The following EPB41L1 variants were observed in gnomAD, a reference collection of about 807,000 sequenced individuals.
The protein encoded by EPB41L1 is band 4.1-like protein 1.
EPB41L1 carries 29 observed loss-of-function variants against 97.8 expected under a neutral mutation model. The observed-to-expected ratio is 0.30, with a 90% confidence interval of 0.22 to 0.40. EPB41L1 has a LOEUF of 0.40. Among genes scored for constraint, EPB41L1 ranks in the 10% least tolerant of loss-of-function variants. The probability of loss-of-function intolerance (pLI) is 1.00; values close to 1 mark genes in which losing one functional copy is unlikely to be tolerated. For missense variants in EPB41L1, 812 were observed against 1,162.3 expected (o/e 0.70, Z 4.38); for synonymous variants, 383 against 459.2 (o/e 0.83, Z 2.12).
intron 6 of EPB41L1, among the ~76,000 whole-genome samples, chr20:36,183,937 T>C (rs1002317860): frequency 1.3e-5 from 2 of 152,156 alleles, no homozygotes; most frequent in Middle Eastern, 3.2e-3. Context: ...AAGTAAAAGA[T>C]ACTTAAAAGA....
intron 2 of EPB41L1, among the ~76,000 whole-genome samples, chr20:36,114,162 G>A (rs533195921): frequency 6.6e-6 from 1 of 152,118 alleles, no homozygotes; most frequent in African/African-American, 2.4e-5. Context: ...GAACACATCC[G>A]CCCTAGCTAC....
chr20:36,114,758 T>C (rs2058532635), intron 2 of EPB41L1, among the ~76,000 whole-genome samples: 1 of 152,188 alleles, frequency 6.6e-6, no homozygotes, highest in Non-Finnish European at 1.5e-5. Flanking sequence ...ACTCTTTTTC[T>C]TCTAGAATCT....
chr20:36,095,495 T>C lies in EPB41L1; in HGVS notation c.-65+3883T>C, dbSNP rs111386550. On this transcript the variant is annotated intron_variant, in intron 1 of 19. Coordinates refer to the EPB41L1 transcript ENST00000202028. The stretch of plus-strand genomic sequence containing the variant: ...TATTAAGCTTCTTTATGTGAAAGGG[T>C]CTAAACTCCCTAAGCCTTGGTTTAC... Among the ~76,000 whole-genome samples the C allele has an allele frequency of 2.5e-3, 388 of 152,326 alleles. 2 individuals carry two copies. The highest frequency in any genetic ancestry group is 8.6e-3 in the African/African-American group (358 of 41,578).
chr20:36,205,270 A>G (rs2146697684), intron 14 of EPB41L1, among the ~76,000 whole-genome samples: 1 of 152,226 alleles, frequency 6.6e-6, no homozygotes, highest in South Asian at 2.1e-4. Flanking sequence ...CCCATATTCC[A>G]TGGTTGTGAA....
chr20:36,213,204 C>T (rs995035396), intron 16 of EPB41L1, among the ~76,000 whole-genome samples: 3 of 152,066 alleles, frequency 2.0e-5, no homozygotes, highest in African/African-American at 7.2e-5. Flanking sequence ...ACAAGACCAG[C>T]CTGGGCAATA....
chr20:36,225,478 G>A (rs2064077639), intron 21 of EPB41L1, among the ~76,000 whole-genome samples: 1 of 152,132 alleles, frequency 6.6e-6, no homozygotes, highest in Non-Finnish European at 1.5e-5. Context: ...TTGGTCCTTA[G>A]GGAGTCCGCG....
At chr20:36,141,843 C>T (rs961612330) in intron 2 of EPB41L1, among the ~76,000 whole-genome samples, 1 of 152,128 alleles carries the variant, frequency 6.6e-6, no homozygotes, top group Non-Finnish European at 1.5e-5. Context: ...CACGGTGGCT[C>T]ACGCCTATAA....
intron 1 of EPB41L1, among the ~76,000 whole-genome samples, chr20:36,097,304 A>G (rs2057863067): frequency 6.6e-6 from 1 of 152,200 alleles, no homozygotes; most frequent in African/African-American, 2.4e-5. Context: ...CTTGCCATGT[A>G]CTAGCTGGGG....
At chr20:36,122,728 C>G (rs2058795220) in intron 2 of EPB41L1, 2 of 152,302 alleles carry the variant, frequency 1.3e-5, no homozygotes, top group Non-Finnish European at 2.9e-5. Context: ...ACTTCTAGTC[C>G]TGGTTCCACT....
Position 36,207,655 on chromosome 20 carries a change from C to T in EPB41L1, c.1669-1833C>T, listed in dbSNP as rs1400886433. On this transcript the variant is annotated intron_variant, in intron 14 of 21. Coordinates refer to ENST00000338074, the MANE Select transcript of EPB41L1 (RefSeq NM_012156.2). The surrounding 1 kb of genome is among the most constrained non-coding windows in gnomAD (Gnocchi z 4.9). ...CAAAGCCACACATTCCACAGTGATA[C>T]CTCTGGCTACCAGACACTTCAGGGA... 7.8e-7 allele frequency: 1 copy of T among 1,290,200 alleles called. No individual in the cohort carries two copies. Among genetic ancestry groups the T allele is most frequent in the Non-Finnish European group, 1.0e-6 (1 of 988,954 alleles). The allele number at this position is 1,290,200 out of a possible 1,614,324, so 79.9% of individuals were successfully genotyped here.
intron 2 of EPB41L1, among the ~76,000 whole-genome samples, chr20:36,124,611 T>C (rs994093472): frequency 3.9e-5 from 6 of 152,210 alleles, no homozygotes; most frequent in Non-Finnish European, 5.9e-5. Context: ...GCAGTTTAAT[T>C]TAGTCCTCCC....
At chr20:36,155,725 G>A (rs2060268822) in intron 1 of EPB41L1, 1 of 439,620 alleles carries the variant, frequency 2.3e-6, no homozygotes, top group African/African-American at 2.0e-5. Flanking sequence ...AGCCATCGTC[G>A]TTGCTTTTCC....
intron 2 of EPB41L1, among the ~76,000 whole-genome samples, chr20:36,140,631 A>T (rs2059602975): frequency 6.6e-6 from 1 of 152,236 alleles, no homozygotes; most frequent in Admixed American, 6.5e-5. Context: ...AAATGCAAAA[A>T]TAAAATTGGA....
At chr20:36,185,928 T>C (rs1038523707) in intron 7 of EPB41L1, among the ~76,000 whole-genome samples, 4 of 152,238 alleles carry the variant, frequency 2.6e-5, no homozygotes, top group Admixed American at 6.5e-5. Context: ...CAGTTGATCA[T>C]GCAGGGGAAA....
At chr20:36,143,251 G>A (rs2059711844) in intron 2 of EPB41L1, among the ~76,000 whole-genome samples, 6 of 151,774 alleles carry the variant, frequency 4.0e-5, no homozygotes, top group Non-Finnish European at 1.5e-5. Flanking sequence ...TGGGGTGGGA[G>A]TATGAGAGGC....
chr20:36,185,844 G>C (rs752235028), intron 7 of EPB41L1, among the ~76,000 whole-genome samples: 1 of 152,190 alleles, frequency 6.6e-6, no homozygotes, highest in Non-Finnish European at 1.5e-5. Flanking sequence ...TTGTTGGGAA[G>C]CCTAAATAGC....
intron 14 of EPB41L1, chr20:36,205,837 A>T: frequency 3.1e-6 from 4 of 1,276,140 alleles, no homozygotes; most frequent in Non-Finnish European, 4.1e-6. Context: ...TCTTGCTCCA[A>T]TTGAAACACA....
rs1289011678 is a variant in EPB41L1, at chr20:36,170,243, A to T, written c.-14-3521A>T. On this transcript the variant is annotated intron_variant, in intron 1 of 21. Transcript: ENST00000338074. Reference sequence around the variant, plus strand: ...TGCCATACCAAGCCATGTGCCTCAGAAAAATTTCTTTTTTGACCTCTAACT... The same window carrying T: ...TGCCATACCAAGCCATGTGCCTCAGTAAAATTTCTTTTTTGACCTCTAACT... 2.6e-5 allele frequency among the ~76,000 whole-genome samples: 4 copies of T among 152,180 alleles called. No homozygotes were observed. In the East Asian group the frequency reaches 7.7e-4, roughly 29 times the overall value.
Position 36,182,188 on chromosome 20 carries a change from T to G in EPB41L1, c.491-84T>G, listed in dbSNP as rs968655708. 6.5e-5 allele frequency: 84 copies of G among 1,288,186 alleles called. 1 individual carries two copies. Among genetic ancestry groups the G allele is most frequent in the Non-Finnish European group, 6.1e-5 (54 of 884,608 alleles). The allele number at this position is 1,288,186 out of a possible 1,614,324, so 79.8% of individuals were successfully genotyped here. On this transcript the variant is annotated intron_variant, in intron 5 of 21. Transcript: ENST00000338074. Reference sequence around the variant, plus strand: ...CTGAGATTATACATAGGAGAAACTTTGAAAAACTGCCCAGAGGATGGTGCA... The same window carrying G: ...CTGAGATTATACATAGGAGAAACTTGGAAAAACTGCCCAGAGGATGGTGCA...
Sources: gnomAD v4.1 joint callset for allele counts (sites outside exome capture counted in the v4.1 genomes callset) on GRCh38, gnomAD v4.1.1 for gene constraint, Gnocchi (gnomAD v3.1) non-coding constraint, MANE v1.5 for transcripts, NCBI Gene and HGNC (gene_info 2026-07-23, HGNC 2026-07-21) for gene names.